EBF3: variants seen among roughly 807,000 people sequenced by gnomAD.
EBF3 encodes the protein transcription factor COE3.
EBF3 carries 18 observed loss-of-function variants against 77.1 expected under a neutral mutation model. That is an observed-to-expected ratio of 0.23 (90% CI 0.16 to 0.35). The LOEUF (loss-of-function observed/expected upper bound fraction) is 0.35. EBF3 is among the 10% of genes least tolerant of loss of function. The pLI is 1.00. For synonymous variants in EBF3, 350 were observed against 343.5 expected, an observed-to-expected ratio of 1.02 and a Z score of -0.21; for missense variants, 558 against 860.0, an observed-to-expected ratio of 0.65 and a Z score of 4.39.
chr10:129,891,007 C>A (rs754101860), intron 6 of EBF3, among the ~76,000 whole-genome samples: 131 of 152,146 alleles, frequency 8.6e-4, no homozygotes, highest in Non-Finnish European at 2.4e-4. Context: ...TGTCATTCCT[C>A]AACTTGCTTG....
intron 11 of EBF3, among the ~76,000 whole-genome samples, chr10:129,847,175 G>T (rs895948093): frequency 6.6e-6 from 1 of 152,104 alleles, no homozygotes; most frequent in Non-Finnish European, 1.5e-5. Flanking sequence ...CGCAGCTGCT[G>T]GGGTGTCTTC....
chr10:129,906,589 G>T (rs1855163048), intron 6 of EBF3, among the ~76,000 whole-genome samples: 1 of 152,162 alleles, frequency 6.6e-6, no homozygotes, highest in Non-Finnish European at 1.5e-5. Context: ...CTTCTGCTTA[G>T]TTCTGAAGTG....
rs916550017 is a variant in EBF3, at chr10:129,839,471, C to T, written c.1760-276G>A. 3.3e-5 allele frequency among the ~76,000 whole-genome samples: 5 copies of T among 152,232 alleles called. No individual in the cohort carries two copies. The East Asian group carries it at 9.6e-4, about 29-fold the overall frequency. On this transcript the variant is annotated intron_variant, in intron 15 of 16. Transcript: ENST00000440978. Reference sequence around the variant, plus strand: ...CAGCTCAGATGGGCCAGGCGCTGGGCAGGCACAGGGTGCCCACCCCGTGTG... The same window carrying T: ...CAGCTCAGATGGGCCAGGCGCTGGGTAGGCACAGGGTGCCCACCCCGTGTG...
rs758384337 is a variant in EBF3 at position 129,963,506 on chromosome 10, C to T, written c.152G>A (p.Arg51Gln). 1 of 1,560,552 alleles carries T rather than the reference C, an allele frequency of 6.4e-7. No homozygotes were observed. Among genetic ancestry groups the T allele is most frequent in the South Asian group, 1.2e-5 (1 of 86,292 alleles). The change falls in exon 2 of 17, where the codon CGG becomes CAG. Residue 51 changes from arginine to glutamine, a missense_variant. By Grantham distance (43) the Arg-to-Gln change is conservative. Around this residue, in one of 5 missense-constraint regions of EBF3, gnomAD observed 84 missense variants for 142.3 expected, o/e 0.59. Coordinates refer to ENST00000440978, the MANE Select transcript of EBF3 (RefSeq NM_001375380.1). The surrounding 1 kb of genome is among the most constrained non-coding windows in gnomAD (Gnocchi z 7.1). ...AGGCGGCTGCTTCTCGAAGTGCGCC[C>T]GCGCCAGCCCCACGCCGCTGCGGGA... is the stretch of plus-strand genomic sequence containing the variant. ...TAAQSGVGLA[R>Q]AHFEKQPPSN... is the part of the protein sequence containing the mutation.
intron 6 of EBF3, 80 bp from the exon 7 acceptor site, chr10:129,877,929 A>G (rs543519207): frequency 1.7e-6 from 2 of 1,146,516 alleles, no homozygotes; most frequent in Admixed American, 4.1e-5. Context: ...ACTCTTGCGC[A>G]GGGAGGAGTG....
intron 6 of EBF3, among the ~76,000 whole-genome samples, chr10:129,904,707 A>G (rs141653708): frequency 1.5e-3 from 234 of 151,180 alleles, no homozygotes; most frequent in African/African-American, 5.4e-3. Flanking sequence ...ATATAGACAC[A>G]GACATAAGAT....
intron 7 of EBF3, among the ~76,000 whole-genome samples, chr10:129,877,100 T>A (rs954155847): frequency 1.3e-5 from 2 of 152,034 alleles, no homozygotes; most frequent in Non-Finnish European, 2.9e-5. Context: ...CAGGTGCAGA[T>A]CCCTCTATGA....
intron 6 of EBF3, among the ~76,000 whole-genome samples, chr10:129,941,983 T>C (rs1054505240): frequency 6.6e-6 from 1 of 152,134 alleles, no homozygotes; most frequent in African/African-American, 2.4e-5. Context: ...TGGCAGTTCC[T>C]TGGGAATGGA....
Position 129,963,279 on chromosome 10 carries a change from T to C in EBF3, c.291+88A>G. The stretch of plus-strand genomic sequence containing the variant: ...GCCTGGCGGAGCCGAGCCCGCCGCC[T>C]AGGGGGGCACTCGAACCCCCGCGCA... On this transcript the variant is annotated intron_variant, in intron 2 of 16. Coordinates refer to ENST00000440978, the MANE Select transcript of EBF3 (RefSeq NM_001375380.1). This position sits in a 1 kb window ranked among gnomAD's most constrained non-coding sequence, Gnocchi z 7.1. 3.3e-6 allele frequency: 5 copies of C among 1,529,052 alleles called. No homozygotes were observed. Among genetic ancestry groups the C allele is most frequent in the African/African-American group, 1.4e-5 (1 of 69,754 alleles). The allele number at this position is 1,529,052 out of a possible 1,614,324, so 94.7% of individuals were successfully genotyped here. A position where few individuals can be genotyped will look rare whatever the true frequency, so the allele number is the denominator to read the frequency against.
At chr10:129,874,621 T>C (rs1234964439) in intron 7 of EBF3, among the ~76,000 whole-genome samples, 2 of 152,162 alleles carry the variant, frequency 1.3e-5, no homozygotes, top group Admixed American at 6.5e-5. Flanking sequence ...TCAGCCCAGC[T>C]CTGACCTGAA....
chr10:129,838,966 AC>A (rs1214455800), intron 16 of EBF3, 116 bp downstream of exon 16: 2 of 1,022,756 alleles, frequency 2.0e-6, no homozygotes, highest in East Asian at 6.0e-5. Context: ...CTCTGCAACG[AC>A]CCTGGTGTGG....
chr10:129,909,274 TG>T (rs1158637192), intron 6 of EBF3, among the ~76,000 whole-genome samples: 1 of 152,154 alleles, frequency 6.6e-6, no homozygotes, highest in Non-Finnish European at 1.5e-5. Context: ...GCAAATCCCA[TG>T]GCCATGAACA....
chr10:129,936,050 G>C (rs944546959), intron 6 of EBF3, among the ~76,000 whole-genome samples: 2 of 152,178 alleles, frequency 1.3e-5, no homozygotes, highest in Admixed American at 1.3e-4. Flanking sequence ...ATGGTTCTGG[G>C]GGACTGTGCA....
chr10:129,929,293 C>T (rs746747533), intron 6 of EBF3, among the ~76,000 whole-genome samples: 112 of 152,120 alleles, frequency 7.4e-4, no homozygotes, highest in Non-Finnish European at 1.3e-3. Flanking sequence ...CAACCTGCAC[C>T]TCCCGGGCTC....
At chr10:129,862,287 T>G (rs1164613946) in intron 10 of EBF3, among the ~76,000 whole-genome samples, 1 of 152,104 alleles carries the variant, frequency 6.6e-6, no homozygotes, top group Non-Finnish European at 1.5e-5. Context: ...AATAATCACT[T>G]TTATGTTCCC....
chr10:129,900,565 G>T (rs2134241477), intron 6 of EBF3, among the ~76,000 whole-genome samples: 1 of 152,336 alleles, frequency 6.6e-6, no homozygotes, highest in South Asian at 2.1e-4. Context: ...AACCCCCAGT[G>T]CCCTGACCTC....
chr10:129,894,729 C>T (rs533583771), intron 6 of EBF3, among the ~76,000 whole-genome samples: 6 of 152,358 alleles, frequency 3.9e-5, no homozygotes, highest in African/African-American at 1.4e-4. Context: ...CTGCATCTGC[C>T]TGGGGCCTCC....
intron 10 of EBF3, among the ~76,000 whole-genome samples, chr10:129,855,871 C>T (rs1274433004): frequency 6.6e-6 from 1 of 152,174 alleles, no homozygotes; most frequent in Non-Finnish European, 1.5e-5. Flanking sequence ...TGTGGAGAAC[C>T]CTCTGAGCAA....
intron 6 of EBF3, among the ~76,000 whole-genome samples, chr10:129,956,444 C>T (rs148077364): frequency 0.013 from 1,922 of 152,242 alleles, 22 homozygotes; most frequent in South Asian, 0.045. Context: ...AGAAAGAAAT[C>T]CTCCTCTCCT....
Sources: allele counts gnomAD v4.1 joint callset (sites outside exome capture counted in the v4.1 genomes callset), GRCh38; gene constraint gnomAD v4.1.1; regional missense constraint gnomAD v4.1.1; non-coding constraint Gnocchi (gnomAD v3.1); transcripts MANE v1.5; gene names NCBI Gene and HGNC (gene_info 2026-07-23, HGNC 2026-07-21).